TMEM68: variants seen among roughly 807,000 people sequenced by gnomAD.
TMEM68 encodes the protein transmembrane protein 68, also known as DGAT1/2-independent enzyme synthesizing storage lipids.
A neutral mutation model predicts 36.9 loss-of-function variants in TMEM68; 25 were observed. The observed-to-expected ratio is 0.68, with a 90% CI of 0.49 to 0.95. The LOEUF is 0.95. TMEM68 is among the 40% of genes least tolerant of loss of function. The pLI, the probability that TMEM68 is intolerant of heterozygous loss-of-function variation, is 0.00. For missense variants in TMEM68, 333 were observed against 392.0 expected, an observed-to-expected ratio of 0.85 and a Z score of 1.27; for synonymous variants, 131 against 124.4, an observed-to-expected ratio of 1.05 and a Z score of -0.35.
chr8:55,751,012 T>TA lies in TMEM68; in HGVS notation c.638dup (p.Trp214MetfsTer13). ...GAGCAAAGCCTCTGCGATGACCCCA[T>TA]ACGATGTTATAAGTTTCATCACTAA... On this transcript the variant is annotated frameshift_variant, in exon 5 of 8. Coordinates refer to ENST00000434581, the MANE Select transcript of TMEM68 (RefSeq NM_001286657.2). LOFTEE classifies it high-confidence loss of function. The TA allele has an allele frequency of 6.2e-7, 1 of 1,613,990 alleles. No individual in the cohort carries two copies. The highest frequency in any genetic ancestry group is 8.5e-7 in the Non-Finnish European group (1 of 1,180,000).
intron 5 of TMEM68, among the ~76,000 whole-genome samples, chr8:55,748,354 T>G (rs1339520043): frequency 6.6e-6 from 1 of 152,116 alleles, no homozygotes; most frequent in Non-Finnish European, 1.5e-5. Context: ...GTGTTTTTAT[T>G]AAAGACAGAG....
At chr8:55,757,485 A>G (rs1345165289) in intron 3 of TMEM68, among the ~76,000 whole-genome samples, 1 of 152,204 alleles carries the variant, frequency 6.6e-6, no homozygotes, top group Non-Finnish European at 1.5e-5. Context: ...CTGGAGAGTA[A>G]AGAGAGCCCC....
chr8:55,748,230 A>G (rs1009138966), intron 5 of TMEM68: 1 of 152,188 alleles, frequency 6.6e-6, no homozygotes, highest in African/African-American at 2.4e-5. Context: ...CAGTGGCATG[A>G]TCTAGGCTCA....
chr8:55,770,856 G>A (rs981801313), intron 1 of TMEM68, among the ~76,000 whole-genome samples: 1 of 152,114 alleles, frequency 6.6e-6, no homozygotes, highest in African/African-American at 2.4e-5. Flanking sequence ...CGTAACTTTT[G>A]TAAAAACAAG....
At chr8:55,754,810 T>A (rs1373818975) in intron 4 of TMEM68, among the ~76,000 whole-genome samples, 3 of 132,104 alleles carry the variant, frequency 2.3e-5, no homozygotes, top group Non-Finnish European at 3.1e-5. Flanking sequence ...TAATATATAT[T>A]TATATTATAT....
intron 5 of TMEM68, chr8:55,745,810 C>T (rs1227849499): frequency 6.6e-6 from 1 of 152,170 alleles, no homozygotes; most frequent in African/African-American, 2.4e-5. Context: ...AATCCTCCAA[C>T]CTTAGTTTCC....
At chr8:55,757,743 T>C (rs1810651185) in intron 3 of TMEM68, among the ~76,000 whole-genome samples, 1 of 151,972 alleles carries the variant, frequency 6.6e-6, no homozygotes, top group African/African-American at 2.4e-5. Context: ...AAGCAAAATA[T>C]CTACCACTGG....
chr8:55,760,054 T>G (rs1167756354), intron 3 of TMEM68, among the ~76,000 whole-genome samples: 1 of 152,250 alleles, frequency 6.6e-6, no homozygotes, highest in East Asian at 1.9e-4. Context: ...TAACACAGCC[T>G]CAGTTCCAGG....
intron 5 of TMEM68, 57 bp from the exon 6 acceptor site, chr8:55,745,178 C>G: frequency 8.3e-7 from 1 of 1,197,644 alleles, no homozygotes; most frequent in East Asian, 2.8e-5. Context: ...TTCAATGTCT[C>G]CATTAGAGTA....
At chr8:55,762,473 C>T (rs1401770163) in intron 3 of TMEM68, 162 bp downstream of exon 3, 3 of 1,350,264 alleles carry the variant, frequency 2.2e-6, no homozygotes, top group East Asian at 2.5e-5. Flanking sequence ...TTAAGAAAGA[C>T]ACATACATAT....
rs564092460 is a variant in TMEM68, at chr8:55,740,216, C to T, written c.891G>A (p.Thr297=). The T allele has an allele frequency of 8.0e-5, 129 of 1,611,514 alleles. No individual in the cohort carries two copies. The South Asian group carries it at 9.2e-4, about 12-fold the overall frequency. The change falls in exon 8 of 8, where the codon ACG becomes ACA. Residue 297 remains threonine, a splice_region_variant and synonymous_variant. Transcript: ENST00000434581. ...QITAEELAEK[T]KNAVQALIDK... ...CAATCAAAGCTTGAACAGCATTCTT[C>T]GTCTATTAAGAAAACAAAAGAAAAG... is the stretch of plus-strand genomic sequence containing the variant.
intron 1 of TMEM68, among the ~76,000 whole-genome samples, chr8:55,765,502 C>A (rs572192768): frequency 6.6e-6 from 1 of 152,142 alleles, no homozygotes; most frequent in Non-Finnish European, 1.5e-5. Flanking sequence ...ATTACATGGG[C>A]TAATCTGTGT....
intron 7 of TMEM68, among the ~76,000 whole-genome samples, chr8:55,743,160 C>T (rs1046670610): frequency 3.9e-5 from 6 of 152,152 alleles, no homozygotes; most frequent in Non-Finnish European, 2.9e-5. Flanking sequence ...TCAATTCTGA[C>T]TTTCTCCCAA....
intron 1 of TMEM68, among the ~76,000 whole-genome samples, chr8:55,770,015 A>C: frequency 6.6e-6 from 1 of 152,202 alleles, no homozygotes. Context: ...AATTTGAATA[A>C]AATGCCTTTC....
rs184312326 is a variant in TMEM68 at position 55,766,889 on chromosome 8, T to C, written c.-114-2909A>G. 2.8e-3 allele frequency among the ~76,000 whole-genome samples: 420 copies of C among 152,318 alleles called. 2 individuals are homozygous for C. The highest frequency in any genetic ancestry group is 9.9e-3 in the African/African-American group (410 of 41,566). ...GAAATGGTCAGTTTCTGGATATATT[T>C]TGAAGATAATGCCAACAGGATTTGC... On this transcript the variant is annotated intron_variant, in intron 1 of 7. Coordinates refer to ENST00000434581, the MANE Select transcript of TMEM68 (RefSeq NM_001286657.2).
At position 55,751,048 on chromosome 8, in the gene TMEM68, T is replaced by C; in HGVS notation, c.603A>G (p.Arg201=). Residue 201 remains arginine (R), a synonymous_variant, in exon 5 of 8, where the codon CGA becomes CGG. Coordinates refer to ENST00000434581, the MANE Select transcript of TMEM68 (RefSeq NM_001286657.2). ...HLLAISPGGV[R]EALISDETYN... ...AAGTTTCATCACTAATTAGGGCTTC[T>C]CGAACTCCACCTGGTGAGATAGCTA... 1 of 1,614,128 alleles carries C rather than the reference T, an allele frequency of 6.2e-7. No homozygotes were observed. Among genetic ancestry groups the C allele is most frequent in the African/African-American group, 1.3e-5 (1 of 75,038 alleles).
rs774604843 is a variant in TMEM68, at chr8:55,749,885, T to TAA, written c.687+1078_687+1079insTT. Among the ~76,000 whole-genome samples the TAA allele has an allele frequency of 3.6e-3, 554 of 152,330 alleles. 2 individuals are homozygous for TAA. Among genetic ancestry groups the TAA allele is most frequent in the Non-Finnish European group, 6.6e-3 (450 of 68,030 alleles). ...AATCTCAATTAAATTATCTAGTTTA[T>TAA]TTAAATTAATTATCTGGAAACTCGA... On this transcript the variant is annotated intron_variant, in intron 5 of 7. Transcript: ENST00000434581.
Position 55,749,285 on chromosome 8 carries a change from C to G in TMEM68, c.687+1679G>C, listed in dbSNP as rs549273480. Among the ~76,000 whole-genome samples, 8 of 152,228 alleles carry G rather than the reference C, an allele frequency of 5.3e-5. No homozygotes were observed. In the East Asian group the frequency reaches 1.2e-3, roughly 22 times the overall value. ...TCGAATAAACCTTAATATTTTCTAC[C>G]AATATTTTGTGAACTTGCCTTGACA... On this transcript the variant is annotated intron_variant, in intron 5 of 7. Coordinates refer to ENST00000434581, the MANE Select transcript of TMEM68 (RefSeq NM_001286657.2).
At position 55,743,572 on chromosome 8, in the gene TMEM68, A is replaced by G. The variant is rs919714752; in HGVS notation, c.797T>C (p.Met266Thr). ...TAACTTCACTGGAAAACCTCCATAC[A>G]TTGGAGCAAATGGATAGCGGAATTT... ...YEKFRYPFAP[M>T]YGGFPVKLRT... Residue 266 changes from methionine to threonine, a missense_variant, in exon 7 of 8, where the codon ATG (methionine) becomes ACG (threonine). Met to Thr is a moderately conservative substitution (Grantham distance 81). Coordinates refer to ENST00000434581, the MANE Select transcript of TMEM68 (RefSeq NM_001286657.2). The G allele has an allele frequency of 1.3e-6, 2 of 1,535,670 alleles. No individual in the cohort carries two copies. The highest frequency in any genetic ancestry group is 2.7e-5 in the African/African-American group (2 of 73,030).
Sources: gnomAD v4.1 joint callset for allele counts (sites outside exome capture counted in the v4.1 genomes callset) on GRCh38, gnomAD v4.1.1 for gene constraint, MANE v1.5 for transcripts, NCBI Gene and HGNC (gene_info 2026-07-23, HGNC 2026-07-21) for gene names.